The following CADPS2 variants were observed in gnomAD, a reference collection of about 807,000 sequenced individuals.
The protein encoded by CADPS2 is calcium dependent secretion activator 2.
CADPS2 carries 93 observed loss-of-function variants against 172.5 expected under a neutral mutation model. The observed-to-expected ratio is 0.54, with a 90% CI of 0.46 to 0.64. The LOEUF (loss-of-function observed/expected upper bound fraction) is 0.64, where lower values mean the gene tolerates loss of function less well. CADPS2 is among the 30% of genes least tolerant of loss of function. CADPS2 has a pLI of 0.00. For missense variants in CADPS2, 1,420 were observed against 1,565.9 expected (o/e 0.91, Z 1.57); for synonymous variants, 546 against 555.2 (o/e 0.98, Z 0.23).
chr7:122,447,029 CTCTTTT>C (rs2052326466), intron 15 of CADPS2, among the ~76,000 whole-genome samples: 2 of 124,554 alleles, frequency 1.6e-5, no homozygotes, highest in African/African-American at 6.2e-5. Context: ...AAGTAGCTCC[CTCTTTT>C]TTTTTTTTTT....
In CADPS2 at chr7:122,504,000, G is replaced by A. The variant is rs903540733; in HGVS notation, c.1542+9249C>T. Among the ~76,000 whole-genome samples, 9 of 152,160 alleles carry A rather than the reference G, an allele frequency of 5.9e-5. No individual in the cohort carries two copies. In the East Asian group the frequency reaches 1.5e-3, roughly 26 times the overall value. On this transcript the variant is annotated intron_variant, in intron 9 of 29. Coordinates refer to ENST00000449022, the MANE Select transcript of CADPS2 (RefSeq NM_017954.11). The stretch of plus-strand genomic sequence containing the variant: ...CCTCTCTGAAGACAACCATATTAAG[G>A]TATTTCAACTGGAAGTGAAGGGAAG...
rs1408787223 is a variant in CADPS2 at position 122,568,047 on chromosome 7, T to C, written c.1335+13132A>G. On this transcript the variant is annotated intron_variant, in intron 7 of 29. Transcript: ENST00000449022. ...GTTGCTTCAAGAAATATAGTCTAAG[T>C]GTAAAGAAACAAATAGATTAAAAAA... Among the ~76,000 whole-genome samples, 3 of 152,186 alleles carry C rather than the reference T, an allele frequency of 2.0e-5. No homozygotes were observed. In the East Asian group the frequency reaches 5.8e-4, roughly 29 times the overall value.
chr7:122,870,705 T>C (rs978131611), intron 1 of CADPS2, among the ~76,000 whole-genome samples: 3 of 152,058 alleles, frequency 2.0e-5, no homozygotes, highest in African/African-American at 7.2e-5. Flanking sequence ...ATACAATGTA[T>C]ACATAGATTA....
intron 9 of CADPS2, among the ~76,000 whole-genome samples, chr7:122,501,900 G>GA (rs377560103): frequency 8.0e-5 from 11 of 136,660 alleles, no homozygotes; most frequent in South Asian, 4.7e-4. Context: ...AAAAAAAAAG[G>GA]AAAAAAAAAG....
At chr7:122,559,463 T>C (rs1395991118) in intron 7 of CADPS2, among the ~76,000 whole-genome samples, 2 of 152,082 alleles carry the variant, frequency 1.3e-5, no homozygotes, top group East Asian at 3.9e-4. Flanking sequence ...CAATTCTCTT[T>C]ATGTTCTTAA....
At chr7:122,386,939 C>A in intron 24 of CADPS2, 87 bp downstream of exon 24, 1 of 1,383,376 alleles carries the variant, frequency 7.2e-7, no homozygotes, top group Non-Finnish European at 9.7e-7. Context: ...TCTTTTCAAT[C>A]CAATCAAGAG....
At chr7:122,485,520 G>A (rs1563476324) in intron 11 of CADPS2, among the ~76,000 whole-genome samples, 1 of 152,210 alleles carries the variant, frequency 6.6e-6, no homozygotes, top group African/African-American at 2.4e-5. Context: ...TATGACAGCT[G>A]AGAGAGGTGA....
intron 9 of CADPS2, among the ~76,000 whole-genome samples, chr7:122,496,830 G>A (rs1194610728): frequency 6.6e-6 from 1 of 151,980 alleles, no homozygotes; most frequent in African/African-American, 2.4e-5. Flanking sequence ...GATTATTCAC[G>A]TCCATTAGGT....
chr7:122,444,741 T>C (rs930689125), intron 15 of CADPS2, among the ~76,000 whole-genome samples: 9 of 152,328 alleles, frequency 5.9e-5, no homozygotes, highest in African/African-American at 2.2e-4. Flanking sequence ...TCTCCTATTC[T>C]GCGACTTAAC....
At chr7:122,840,900 A>G (rs1810294457) in intron 1 of CADPS2, among the ~76,000 whole-genome samples, 1 of 152,314 alleles carries the variant, frequency 6.6e-6, no homozygotes, top group East Asian at 1.9e-4. Context: ...ATAATAAAAA[A>G]TTGCAGTCTC....
chr7:122,499,193 T>C (rs757448401), intron 9 of CADPS2, among the ~76,000 whole-genome samples: 3 of 152,168 alleles, frequency 2.0e-5, no homozygotes, highest in Non-Finnish European at 4.4e-5. Flanking sequence ...CAAGGGCAGA[T>C]TTTTTTTCTA....
chr7:122,737,523 A>T (rs912750827), intron 1 of CADPS2, among the ~76,000 whole-genome samples: 2 of 152,158 alleles, frequency 1.3e-5, no homozygotes, highest in African/African-American at 4.8e-5. Context: ...TAATGGTTAG[A>T]CTTTAAAACA....
intron 20 of CADPS2, among the ~76,000 whole-genome samples, chr7:122,394,948 A>G (rs1337393838): frequency 6.6e-6 from 1 of 152,216 alleles, no homozygotes; most frequent in Non-Finnish European, 1.5e-5. Context: ...TAGGGTGAAG[A>G]GGTAGAAGCT....
chr7:122,847,874 T>C (rs1229562174), intron 1 of CADPS2, among the ~76,000 whole-genome samples: 3 of 152,214 alleles, frequency 2.0e-5, no homozygotes, highest in Non-Finnish European at 4.4e-5. Flanking sequence ...TAGCATGTAT[T>C]AAAGTACTTG....
At chr7:122,829,070 C>T (rs190089988) in intron 1 of CADPS2, among the ~76,000 whole-genome samples, 5 of 152,244 alleles carry the variant, frequency 3.3e-5, no homozygotes, top group Non-Finnish European at 1.5e-5. Context: ...TCTAAATGAA[C>T]ATTCTAAAAT....
At chr7:122,320,871 A>G (rs1035270257) in intron 29 of CADPS2, among the ~76,000 whole-genome samples, 5 of 152,200 alleles carry the variant, frequency 3.3e-5, no homozygotes, top group African/African-American at 1.2e-4. Flanking sequence ...CTGGATAAAA[A>G]TTTGTGTACA....
intron 7 of CADPS2, among the ~76,000 whole-genome samples, chr7:122,557,575 T>C (rs2065188848): frequency 6.6e-6 from 1 of 152,166 alleles, no homozygotes; most frequent in Admixed American, 6.6e-5. Context: ...CCATGAACTT[T>C]AGTTCACAGG....
intron 2 of CADPS2, among the ~76,000 whole-genome samples, chr7:122,685,112 G>A (rs753015991): frequency 7.2e-5 from 11 of 152,024 alleles, no homozygotes; most frequent in Non-Finnish European, 1.2e-4. Flanking sequence ...TTTAATCCCA[G>A]AATCTGATTC....
intron 1 of CADPS2, among the ~76,000 whole-genome samples, chr7:122,848,064 G>A (rs1224117689): frequency 6.6e-6 from 1 of 152,168 alleles, no homozygotes; most frequent in Non-Finnish European, 1.5e-5. Context: ...CTTTGCCTAT[G>A]GCTAAGTTTC....
Sources: gnomAD v4.1 joint callset for allele counts (sites outside exome capture counted in the v4.1 genomes callset) on GRCh38, gnomAD v4.1.1 for gene constraint, MANE v1.5 for transcripts, NCBI Gene and HGNC (gene_info 2026-07-23, HGNC 2026-07-21) for gene names.